USP5: variants seen among roughly 807,000 people sequenced by gnomAD.
USP5 encodes ubiquitin carboxyl-terminal hydrolase 5.
A neutral mutation model predicts 102.5 loss-of-function variants in USP5; 24 were observed. The ratio of observed to expected loss-of-function variants is 0.23; its 90% CI spans 0.17 to 0.33. USP5 has a LOEUF of 0.33. USP5 is among the 10% of genes least tolerant of loss of function. USP5 has a pLI of 1.00. For synonymous variants in USP5, 460 were observed against 434.8 expected, an observed-to-expected ratio of 1.06 and a Z score of -0.72; for missense variants, 753 against 1,122.1, an observed-to-expected ratio of 0.67 and a Z score of 4.70.
chr12:6,864,118 C>T lies in USP5; in HGVS notation c.2167C>T (p.Pro723Ser), dbSNP rs782424731. 6.2e-7 allele frequency: 1 copy of T among 1,614,094 alleles called. No homozygotes were observed. Among genetic ancestry groups the T allele is most frequent in the Admixed American group, 1.7e-5 (1 of 60,008 alleles). ...CTCCACAAGCGCAGCAGCCGACCCC[C>T]CTCCTGAGGACTGTGTGACCACCAT... ...PGSTSAAADP[P>S]PEDCVTTIVS... The change falls in exon 17 of 20, where the codon CCT becomes TCT. Residue 723 changes from proline (P) to serine (S), a missense_variant. This residue lies in a region of USP5 where 193 missense variants were observed against 230.2 expected (regional missense o/e 0.84). Transcript: ENST00000229268. This position sits in a 1 kb window ranked among gnomAD's most constrained non-coding sequence, Gnocchi z 4.8.
chr12:6,856,255 C>A lies in USP5; in HGVS notation c.439-50C>A. ...AGCTGAAGGCCAAGGGGAAGAGGGG[C>A]ATGTGGGGCAGGGGGTTGGGTATTG... On this transcript the variant is annotated intron_variant, in intron 4 of 19. Transcript: ENST00000229268. This position sits in a 1 kb window ranked among gnomAD's most constrained non-coding sequence, Gnocchi z 5.6. 1 of 1,603,552 alleles carries A rather than the reference C, an allele frequency of 6.2e-7. No homozygotes were observed. The highest frequency in any genetic ancestry group is 8.5e-7 in the Non-Finnish European group (1 of 1,173,616).
rs1309024313 is a variant in USP5 at position 6,859,602 on chromosome 12, T to G, written c.1130+61T>G. ...CAGTCATGGCCGTATACCTTCCTCC[T>G]CCCTGACCGCCTGGGGGGCACAGCA... is the stretch of plus-strand genomic sequence containing the variant. On this transcript the variant is annotated intron_variant, in intron 9 of 19. Coordinates refer to ENST00000229268, the MANE Select transcript of USP5 (RefSeq NM_001098536.2). 2.9e-5 allele frequency: 44 copies of G among 1,518,650 alleles called. No homozygotes were observed. The East Asian group carries it at 9.7e-4, about 33-fold the overall frequency. 94.1% of individuals were successfully genotyped at this position (1,518,650 alleles called of 1,614,324 possible). A position where few individuals can be genotyped will look rare whatever the true frequency, so the allele number is the denominator to read the frequency against.
chr12:6,856,622 CG>C lies in USP5; in HGVS notation c.585-79del. 1.3e-6 allele frequency: 2 copies of C among 1,541,406 alleles called. No homozygotes were observed. The highest frequency in any genetic ancestry group is 8.7e-7 in the Non-Finnish European group (1 of 1,144,768). ...AGAAGAGAGAGAGACCTTGGATTGG[CG>C]GGGGGCCTGCAGAGCCCTCTCTCTC... On this transcript the variant is annotated intron_variant, in intron 5 of 19. Transcript: ENST00000229268. The surrounding 1 kb of genome is among the most constrained non-coding windows in gnomAD (Gnocchi z 5.6).
chr12:6,861,431 T>C lies in USP5; in HGVS notation c.1499-12T>C. 2 of 1,555,878 alleles carry C rather than the reference T, an allele frequency of 1.3e-6. No individual in the cohort carries two copies. The highest frequency in any genetic ancestry group is 1.7e-6 in the Non-Finnish European group (2 of 1,144,230). On this transcript the variant is annotated splice_polypyrimidine_tract_variant and intron_variant, in intron 12 of 19. Transcript: ENST00000229268. This position sits in a 1 kb window ranked among gnomAD's most constrained non-coding sequence, Gnocchi z 4.9. The stretch of plus-strand genomic sequence containing the variant: ...ACCCTCCGAAGGATCCACCAACCCA[T>C]TCTGTCACCAGAGGAGCTTCTGGAG...
intron 1 of USP5, among the ~76,000 whole-genome samples, chr12:6,853,453 G>A (rs1290894109): frequency 1.3e-5 from 2 of 152,248 alleles, no homozygotes; most frequent in African/African-American, 2.4e-5. Context: ...AGAGCACTGC[G>A]CGGAGCAGAG....
chr12:6,856,389 C>T lies in USP5; in HGVS notation c.523C>T (p.Gln175Ter). The change falls in exon 5 of 20, where the codon CAG becomes TAG. Residue 175 changes from glutamine to a stop codon, truncating the protein, a stop_gained. Transcript: ENST00000229268. LOFTEE classifies it high-confidence loss of function. This position sits in a 1 kb window ranked among gnomAD's most constrained non-coding sequence, Gnocchi z 5.6. ...GCAGGCATGGGATGGGGAAGTACGGCAGGTGTCTAAGCATGCCTTCAGCCT... is the reference window on the plus strand; with the variant it reads ...GCAGGCATGGGATGGGGAAGTACGGTAGGTGTCTAAGCATGCCTTCAGCCT... ...EVQAWDGEVR[Q>*]VSKHAFSLKQ... 1 of 1,613,992 alleles carries T rather than the reference C, an allele frequency of 6.2e-7. No individual in the cohort carries two copies. The highest frequency in any genetic ancestry group is 8.5e-7 in the Non-Finnish European group (1 of 1,180,004).
At chr12:6,852,721 G>C (rs781902684) in intron 1 of USP5, among the ~76,000 whole-genome samples, 82 of 152,314 alleles carry the variant, frequency 5.4e-4, no homozygotes, top group African/African-American at 1.9e-3. Flanking sequence ...GGTTGGAGTT[G>C]GGGGGTGGGG....
Position 6,855,578 on chromosome 12 carries a change from C to T in USP5, c.237+52C>T. On this transcript the variant is annotated intron_variant, in intron 2 of 19. Transcript: ENST00000229268. This position sits in a 1 kb window ranked among gnomAD's most constrained non-coding sequence, Gnocchi z 4.6. ...GGGTACATTGTCTGTTCCATTCTGA[C>T]CTCCTATTGGACTCAGTTTCTTTTT... The T allele has an allele frequency of 6.2e-7, 1 of 1,603,554 alleles. No individual in the cohort carries two copies. The highest frequency in any genetic ancestry group is 8.5e-7 in the Non-Finnish European group (1 of 1,175,846).
chr12:6,865,922 T>C lies in USP5; in HGVS notation c.2484-62T>C, dbSNP rs1944433005. On this transcript the variant is annotated intron_variant, in intron 19 of 19. Coordinates refer to ENST00000229268, the MANE Select transcript of USP5 (RefSeq NM_001098536.2). ...CTTCCAGGGGCCATGTCTGAGAGAC[T>C]ACATGATGCCACTTTGAATGCCCAG... 4 of 1,446,424 alleles carry C rather than the reference T, an allele frequency of 2.8e-6. No individual in the cohort carries two copies. The Admixed American group carries it at 6.7e-5, about 24-fold the overall frequency. The allele number at this position is 1,446,424 out of a possible 1,614,324, so 89.6% of individuals were successfully genotyped here. A position where few individuals can be genotyped will look rare whatever the true frequency, so the allele number is the denominator to read the frequency against.
intron 1 of USP5, among the ~76,000 whole-genome samples, chr12:6,852,653 C>G (rs1943955763): frequency 6.6e-6 from 1 of 152,224 alleles, no homozygotes; most frequent in South Asian, 2.1e-4. Flanking sequence ...CACGGCTCTC[C>G]GGGTTTTGTA....
chr12:6,858,877 T>C lies in USP5; in HGVS notation c.1058+260T>C. On this transcript the variant is annotated intron_variant, in intron 8 of 19. Coordinates refer to ENST00000229268, the MANE Select transcript of USP5 (RefSeq NM_001098536.2). This position sits in a 1 kb window ranked among gnomAD's most constrained non-coding sequence, Gnocchi z 4.2. ...TCTCTTAAAAAAAAAAAAGAATAAT[T>C]CCTGTCACACTCTGGCTGACATGCT... The C allele has an allele frequency of 3.0e-6, 1 of 332,974 alleles. No individual in the cohort carries two copies. The highest frequency in any genetic ancestry group is 4.9e-5 in the East Asian group (1 of 20,542). 20.6% of individuals were successfully genotyped at this position (332,974 alleles called of 1,614,324 possible).
chr12:6,865,299 G>A, intron 19 of USP5, 51 bp downstream of exon 19: 1 of 1,545,810 alleles, frequency 6.5e-7, no homozygotes, highest in Non-Finnish European at 8.9e-7. Context: ...TGGGAATGAG[G>A]AGGGCCATTT....
intron 18 of USP5, 125 bp from the exon 19 acceptor site, chr12:6,865,039 C>A: frequency 7.8e-7 from 1 of 1,279,234 alleles, no homozygotes; most frequent in Non-Finnish European, 1.1e-6. Context: ...CAGGCTCTGG[C>A]CCAGTACCTG....
At chr12:6,859,359 TC>T in intron 8 of USP5, 110 bp from the exon 9 acceptor site, 1 of 1,054,562 alleles carries the variant, frequency 9.5e-7, no homozygotes, top group South Asian at 1.3e-5. Flanking sequence ...CCACAGCAAC[TC>T]CCCACTCTTG....
rs201285357 is a variant in USP5 at position 6,860,211 on chromosome 12, C to T, written c.1191C>T (p.Gly397=). Residue 397 remains glycine, a synonymous_variant, in exon 10 of 20, where the codon GGC becomes GGT. Transcript: ENST00000229268. The surrounding 1 kb of genome is among the most constrained non-coding windows in gnomAD (Gnocchi z 5.5). The part of the protein sequence containing the change: ...GEYSKPVPES[G]DGERVPEQKE... Reference sequence around the variant, plus strand: ...ATTCCAAGCCAGTACCGGAGTCGGGCGATGGGGAGCGGGTGCCAGAACAGA... The same window carrying T: ...ATTCCAAGCCAGTACCGGAGTCGGGTGATGGGGAGCGGGTGCCAGAACAGA... The T allele has an allele frequency of 1.5e-5, 24 of 1,608,308 alleles. No individual in the cohort carries two copies. Among genetic ancestry groups the T allele is most frequent in the Middle Eastern group, 1.7e-4 (1 of 6,016 alleles).
rs1944324353 is a variant in USP5 at position 6,863,083 on chromosome 12, C to T, written c.1763-103C>T. The T allele has an allele frequency of 3.3e-6, 4 of 1,203,544 alleles. No individual in the cohort carries two copies. Among genetic ancestry groups the T allele is most frequent in the East Asian group, 2.5e-5 (1 of 39,642 alleles). The allele number at this position is 1,203,544 out of a possible 1,614,324, so 74.6% of individuals were successfully genotyped here. A position where few individuals can be genotyped will look rare whatever the true frequency, so the allele number is the denominator to read the frequency against. ...ATGGGTGCCGTGCTTTTAGCAGCTCCTCTTTACAGAGCAGTTCTGACATAG... is the reference window on the plus strand; with the variant it reads ...ATGGGTGCCGTGCTTTTAGCAGCTCTTCTTTACAGAGCAGTTCTGACATAG... On this transcript the variant is annotated intron_variant, in intron 14 of 19. Coordinates refer to ENST00000229268, the MANE Select transcript of USP5 (RefSeq NM_001098536.2). The surrounding 1 kb of genome is among the most constrained non-coding windows in gnomAD (Gnocchi z 4.7).
chr12:6,857,513 T>A, intron 6 of USP5, 116 bp from the exon 7 acceptor site: 2 of 806,954 alleles, frequency 2.5e-6, no homozygotes, highest in Non-Finnish European at 4.1e-6. Context: ...ACCAAGAGGG[T>A]GGACCTTACT....
rs782387509 is a variant in USP5, at chr12:6,856,697, T to C, written c.585-10T>C. ...CCACATTTCTGCTGATTCTCTTCTC[T>C]GTGGGTTAGTGGCTGGAAGTGCTCC... On this transcript the variant is annotated splice_polypyrimidine_tract_variant and intron_variant, in intron 5 of 19. Transcript: ENST00000229268. The surrounding 1 kb of genome is among the most constrained non-coding windows in gnomAD (Gnocchi z 5.6). 6.2e-7 allele frequency: 1 copy of C among 1,613,648 alleles called. No homozygotes were observed. The highest frequency in any genetic ancestry group is 8.5e-7 in the Non-Finnish European group (1 of 1,179,918).
At chr12:6,857,574 G>A (rs1944154095) in intron 6 of USP5, 55 bp from the exon 7 acceptor site, 16 of 1,493,626 alleles carry the variant, frequency 1.1e-5, no homozygotes, top group African/African-American at 1.4e-5. Flanking sequence ...ATGGGATGGT[G>A]GCCTGGCTAG....
Sources: gnomAD v4.1 joint callset for allele counts (sites outside exome capture counted in the v4.1 genomes callset) on GRCh38, gnomAD v4.1.1 for gene constraint, gnomAD v4.1.1 regional missense constraint, Gnocchi (gnomAD v3.1) non-coding constraint, MANE v1.5 for transcripts, NCBI Gene and HGNC (gene_info 2026-07-23, HGNC 2026-07-21) for gene names.